Variants in CXADR observed in about 807,000 individuals in gnomAD.
CXADR encodes CXADR cell adhesion molecule, also known as coxsackievirus and adenovirus receptor.
A neutral mutation model predicts 40.3 loss-of-function variants in CXADR; 20 were observed. That is an observed-to-expected ratio of 0.50 (90% CI 0.35 to 0.72). The LOEUF is 0.72. Ranked by LOEUF, CXADR falls within the 30% of genes least tolerant of loss-of-function variation. The pLI is 0.01. For missense variants in CXADR, 332 were observed against 449.1 expected (o/e 0.74, Z 2.36); for synonymous variants, 150 against 161.3 (o/e 0.93, Z 0.53).
the CXADR span, chr21:17,608,960 C>T: frequency 6.2e-7 from 1 of 1,610,022 alleles, no homozygotes; most frequent in Admixed American, 1.7e-5. Flanking sequence ...TTAATCCAAT[C>T]TAATCCTTTA....
chr21:17,589,371 C>A (rs1051494187), intron 7 of CXADR, among the ~76,000 whole-genome samples: 1 of 152,008 alleles, frequency 6.6e-6, no homozygotes, highest in African/African-American at 2.4e-5. Context: ...AAAATAAATC[C>A]ATTGAACTTG....
the CXADR span, among the ~76,000 whole-genome samples, chr21:17,621,623 G>A: frequency 2.0e-5 from 3 of 152,138 alleles, no homozygotes; most frequent in Non-Finnish European, 4.4e-5. Flanking sequence ...TCATGAACAG[G>A]ATTAGGTGCC....
intron 2 of CXADR, among the ~76,000 whole-genome samples, chr21:17,548,451 C>T (rs1248479015): frequency 6.6e-6 from 1 of 152,174 alleles, no homozygotes; most frequent in South Asian, 2.1e-4. Context: ...TACTCAGCCT[C>T]GTTGCCCTGT....
the CXADR span, chr21:17,611,794 A>C: frequency 6.6e-5 from 10 of 152,222 alleles, no homozygotes; most frequent in Non-Finnish European, 1.3e-4. Context: ...TAAAACCCAA[A>C]GGGAATCCAG....
Position 17,565,973 on chromosome 21 carries a change from G to A in CXADR, c.*281G>A. On this transcript the variant is annotated 3_prime_UTR_variant, in exon 7 of 7. Transcript: ENST00000284878. Reference sequence around the variant, plus strand: ...AAATTTATCAGTACCTAAGTAAGATGTAGCGCTTTGAATATGAAATCATAG... The same window carrying A: ...AAATTTATCAGTACCTAAGTAAGATATAGCGCTTTGAATATGAAATCATAG... The A allele has an allele frequency of 9.4e-7, 1 of 1,060,696 alleles. No homozygotes were observed. The highest frequency in any genetic ancestry group is 1.1e-6 in the Non-Finnish European group (1 of 876,644). 65.7% of individuals were successfully genotyped at this position (1,060,696 alleles called of 1,614,324 possible). A position where few individuals can be genotyped will look rare whatever the true frequency, so the allele number is the denominator to read the frequency against.
the CXADR span, among the ~76,000 whole-genome samples, chr21:17,617,838 G>C: frequency 1.4e-4 from 22 of 152,166 alleles, no homozygotes; most frequent in Admixed American, 9.2e-4. Flanking sequence ...AATAAAGTTT[G>C]CTCCATTGAT....
intron 1 of CXADR, among the ~76,000 whole-genome samples, chr21:17,529,424 G>A (rs2060641405): frequency 6.6e-6 from 1 of 152,114 alleles, no homozygotes; most frequent in Non-Finnish European, 1.5e-5. Context: ...GGGTTCAAGT[G>A]ATTCTCATGC....
Position 17,569,287 on chromosome 21 carries a change from T to C in CXADR, c.*3595T>C. The C allele has an allele frequency of 3.0e-6, 3 of 985,356 alleles. No individual in the cohort carries two copies. The highest frequency in any genetic ancestry group is 3.6e-6 in the Non-Finnish European group (3 of 829,910). The allele number at this position is 985,356 out of a possible 1,614,324, so 61.0% of individuals were successfully genotyped here. ...AGTTCATATTTTATGTGGTTAATGC[T>C]TTGATGTGTCACATAAAGAGTAGTT... On this transcript the variant is annotated 3_prime_UTR_variant, in exon 7 of 7. Transcript: ENST00000284878.
the CXADR span, among the ~76,000 whole-genome samples, chr21:17,628,626 G>A: frequency 3.2e-4 from 49 of 152,160 alleles, no homozygotes; most frequent in African/African-American, 1.1e-3. Context: ...TTAGCCTCCC[G>A]AGTAGCTGGA....
chr21:17,566,615 T>G lies in CXADR; in HGVS notation c.*923T>G. ...TGTTTGACACTTATAGATTGAAATT[T>G]CCTAATTTATTCTAAATTTTAAGTG... is the stretch of plus-strand genomic sequence containing the variant. On this transcript the variant is annotated 3_prime_UTR_variant, in exon 7 of 7. Transcript: ENST00000284878. 2 of 984,006 alleles carry G rather than the reference T, an allele frequency of 2.0e-6. No homozygotes were observed. Among genetic ancestry groups the G allele is most frequent in the Non-Finnish European group, 2.4e-6 (2 of 828,612 alleles). The allele number at this position is 984,006 out of a possible 1,614,324, so 61.0% of individuals were successfully genotyped here. A position where few individuals can be genotyped will look rare whatever the true frequency, so the allele number is the denominator to read the frequency against.
At position 17,545,072 on chromosome 21, in the gene CXADR, G is replaced by GTTTTT. The variant is rs869189508; in HGVS notation, c.44-1934_44-1930dup. Among the ~76,000 whole-genome samples, 51 of 55,422 alleles carry GTTTTT rather than the reference G, an allele frequency of 9.2e-4. 1 individual carries two copies. The highest frequency in any genetic ancestry group is 1.0e-3 in the Non-Finnish European group (32 of 30,626). 36.4% of individuals were successfully genotyped at this position (55,422 alleles called of 152,430 possible). On this transcript the variant is annotated intron_variant, in intron 1 of 6. Transcript: ENST00000284878. Reference sequence around the variant, plus strand: ...TTTACTCCTAATTTTGCTCTAATGTGTTTTTTTTTTTTTTTTTTTTTTTTT... The same window carrying GTTTTT: ...TTTACTCCTAATTTTGCTCTAATGTGTTTTTTTTTTTTTTTTTTTTTTTTTTTTTT...
At position 17,586,972 on chromosome 21, in the gene CXADR, AGTGAGAACATGCGGTGTTTG is replaced by A. The variant is rs1326565437; in HGVS notation, c.1018-6177_1018-6158del. On this transcript the variant is annotated intron_variant, in intron 7 of 7. Transcript: ENST00000400169. ...TCTCGTTGTTCAATTCCCACCTATGAGTGAGAACATGCGGTGTTTGGTTTTTTGTCCTTGCAGTAGTTTGC... is the reference window on the plus strand; with the variant it reads ...TCTCGTTGTTCAATTCCCACCTATGAGTTTTTTGTCCTTGCAGTAGTTTGC... 2.6e-5 allele frequency among the ~76,000 whole-genome samples: 4 copies of A among 152,072 alleles called. No individual in the cohort carries two copies. In the East Asian group the frequency reaches 7.8e-4, roughly 30 times the overall value.
chr21:17,572,389 A>G (rs576707008), downstream of CXADR, among the ~76,000 whole-genome samples: 65 of 151,836 alleles, frequency 4.3e-4, 1 homozygote, highest in East Asian at 0.012. Context: ...AAAAAGGGGC[A>G]GTATCATGAG....
the CXADR span, chr21:17,627,169 C>A: frequency 6.6e-6 from 1 of 152,094 alleles, no homozygotes; most frequent in East Asian, 2.0e-4. Flanking sequence ...CCAGCCTGAC[C>A]AACATGCAGA....
chr21:17,559,241 G>A, intron 4 of CXADR, 110 bp downstream of exon 4: 1 of 1,113,000 alleles, frequency 9.0e-7, no homozygotes, highest in Non-Finnish European at 1.3e-6. Context: ...CAGGCTCACT[G>A]CAATCACGGC....
intron 1 of CXADR, chr21:17,518,662 C>T: frequency 6.2e-7 from 1 of 1,609,974 alleles, no homozygotes; most frequent in Non-Finnish European, 8.5e-7. Flanking sequence ...CTTCCTAAGG[C>T]TTGTTAAACT....
Position 17,568,515 on chromosome 21 carries a change from T to G in CXADR, c.*2823T>G. 1.0e-6 allele frequency: 1 copy of G among 983,486 alleles called. No homozygotes were observed. Among genetic ancestry groups the G allele is most frequent in the African/African-American group, 1.8e-5 (1 of 56,992 alleles). The allele number at this position is 983,486 out of a possible 1,614,324, so 60.9% of individuals were successfully genotyped here. The stretch of plus-strand genomic sequence containing the variant: ...ATCCATCTCTTTAGGTTACAGAGGA[T>G]AATTTGAAGAGAAATGTTACTGTAG... On this transcript the variant is annotated 3_prime_UTR_variant, in exon 7 of 7. Transcript: ENST00000284878.
At chr21:17,633,618 G>A in the CXADR span, among the ~76,000 whole-genome samples, 2 of 152,152 alleles carry the variant, frequency 1.3e-5, no homozygotes, top group African/African-American at 4.8e-5. Context: ...ATTCTTCTGA[G>A]GAATGGTGCC....
Position 17,568,936 on chromosome 21 carries a change from C to T in CXADR, c.*3244C>T, listed in dbSNP as rs1033035524. The T allele has an allele frequency of 1.0e-6, 1 of 983,866 alleles. No homozygotes were observed. The highest frequency in any genetic ancestry group is 1.2e-6 in the Non-Finnish European group (1 of 828,802). The allele number at this position is 983,866 out of a possible 1,614,324, so 60.9% of individuals were successfully genotyped here. On this transcript the variant is annotated 3_prime_UTR_variant, in exon 7 of 7. Coordinates refer to ENST00000284878, the MANE Select transcript of CXADR (RefSeq NM_001338.5). ...TAGGGAGAGTTTGATTGAAAAAATC[C>T]AAATCACTATCCATATAGATCATGG...
Sources: gnomAD v4.1 joint callset for allele counts (sites outside exome capture counted in the v4.1 genomes callset) on GRCh38, gnomAD v4.1.1 for gene constraint, MANE v1.5 for transcripts, NCBI Gene and HGNC (gene_info 2026-07-23, HGNC 2026-07-21) for gene names.